Variants in KIF1B observed in about 807,000 individuals in gnomAD.
KIF1B encodes kinesin-like protein KIF1B.
Under a neutral mutation model 241.9 loss-of-function variants are expected in KIF1B, and 76 were observed. The ratio of observed to expected loss-of-function variants is 0.31; its 90% confidence interval spans 0.26 to 0.38. KIF1B has a LOEUF of 0.38. Among genes scored for constraint, KIF1B ranks in the 10% least tolerant of loss-of-function variants. KIF1B has a pLI of 1.00. For synonymous variants in KIF1B, 750 were observed against 796.7 expected (o/e 0.94, Z 0.99); for missense variants, 1,622 against 2,271.4 (o/e 0.71, Z 5.81).
At chr1:10,211,089 C>T (rs1479646870) in intron 1 of KIF1B, among the ~76,000 whole-genome samples, 1 of 151,996 alleles carries the variant, frequency 6.6e-6, no homozygotes, top group Non-Finnish European at 1.5e-5. Context: ...CAGCGGTCGG[C>T]TGGGGCCCCC....
intron 32 of KIF1B, 86 bp downstream of exon 32, chr1:10,339,945 C>T: frequency 9.0e-7 from 1 of 1,111,024 alleles, no homozygotes. Context: ...AGAAGAGGTA[C>T]AAGTCACTGG....
chr1:10,264,434 A>C (rs749121579), intron 5 of KIF1B, among the ~76,000 whole-genome samples: 11 of 152,196 alleles, frequency 7.2e-5, no homozygotes, highest in Non-Finnish European at 1.2e-4. Context: ...GGAGCACATG[A>C]ACTTTTACCT....
At chr1:10,350,795 G>T (rs1652764328) in intron 37 of KIF1B, among the ~76,000 whole-genome samples, 1 of 151,674 alleles carries the variant, frequency 6.6e-6, no homozygotes, top group African/African-American at 2.4e-5. Flanking sequence ...TGTCTCTCTG[G>T]ACCAGATTAA....
intron 7 of KIF1B, among the ~76,000 whole-genome samples, chr1:10,268,928 A>G (rs1055191949): frequency 1.3e-5 from 2 of 152,260 alleles, no homozygotes; most frequent in Non-Finnish European, 2.9e-5. Flanking sequence ...AAAAAGATTA[A>G]GCGTTAATAT....
intron 15 of KIF1B, among the ~76,000 whole-genome samples, chr1:10,287,626 A>T (rs1649780325): frequency 6.6e-6 from 1 of 152,224 alleles, no homozygotes; most frequent in Admixed American, 6.5e-5. Flanking sequence ...TACCTTACTC[A>T]TTAAATCTCT....
intron 7 of KIF1B, 39 bp downstream of exon 7, chr1:10,268,302 A>G (rs908314448): frequency 7.3e-7 from 1 of 1,370,820 alleles, no homozygotes; most frequent in Admixed American, 1.7e-5. Context: ...GTTGTGAAGG[A>G]TGGAGATTTT....
chr1:10,344,232 G>A (rs1652507051), intron 34 of KIF1B, among the ~76,000 whole-genome samples: 1 of 152,130 alleles, frequency 6.6e-6, no homozygotes, highest in African/African-American at 2.4e-5. Flanking sequence ...ACCCATTGCC[G>A]CCTTTTCTCT....
At chr1:10,371,321 T>A in intron 45 of KIF1B, 59 bp downstream of exon 45, 1 of 1,592,400 alleles carries the variant, frequency 6.3e-7, no homozygotes, top group Non-Finnish European at 8.6e-7. Flanking sequence ...AATGTCAACC[T>A]TCCTCTAGCT....
intron 22 of KIF1B, chr1:10,304,447 C>G (rs1259702263): frequency 1.2e-6 from 2 of 1,611,630 alleles, no homozygotes; most frequent in African/African-American, 2.7e-5. Context: ...ACAGACTTTC[C>G]AGGCAAAGCG....
At chr1:10,253,497 G>A (rs1220806845) in intron 2 of KIF1B, among the ~76,000 whole-genome samples, 1 of 151,886 alleles carries the variant, frequency 6.6e-6, no homozygotes, top group Non-Finnish European at 1.5e-5. Context: ...AAAATAATTA[G>A]CCGGGTGTAG....
rs1397014341 is a variant in KIF1B at position 10,258,570 on chromosome 1, G to A, written c.261G>A (p.Glu87=). The change falls in exon 4 of 49, where the codon GAG becomes GAA. Residue 87 remains glutamate (E), a synonymous_variant. Coordinates refer to ENST00000676179, the MANE Select transcript of KIF1B (RefSeq NM_001365951.3). Reference sequence around the variant, plus strand: ...AGGAAATGCTCTTACACGCCTTTGAGGGATATAATGTCTGTATTTTTGCCT... The same window carrying A: ...AGGAAATGCTCTTACACGCCTTTGAAGGATATAATGTCTGTATTTTTGCCT... ...IGKEMLLHAF[E]GYNVCIFAYG... The A allele has an allele frequency of 3.1e-6, 5 of 1,613,984 alleles. No individual in the cohort carries two copies. In the Admixed American group the frequency reaches 6.7e-5, roughly 22 times the overall value.
At chr1:10,229,094 A>G (rs934940352) in intron 1 of KIF1B, among the ~76,000 whole-genome samples, 1 of 152,170 alleles carries the variant, frequency 6.6e-6, no homozygotes, top group Non-Finnish European at 1.5e-5. Flanking sequence ...TGAATGTGTC[A>G]TTCATTCTCT....
chr1:10,228,704 A>T (rs1200335789), intron 1 of KIF1B, among the ~76,000 whole-genome samples: 1 of 152,206 alleles, frequency 6.6e-6, no homozygotes, highest in African/African-American at 2.4e-5. Context: ...ATTGGATCAA[A>T]GACTAAAAGC....
chr1:10,220,749 G>T (rs540315433), intron 1 of KIF1B, among the ~76,000 whole-genome samples: 2 of 151,648 alleles, frequency 1.3e-5, no homozygotes, highest in African/African-American at 4.8e-5. Context: ...TGCAACCTCC[G>T]CCTCCCAGGT....
intron 20 of KIF1B, 50 bp from the exon 21 acceptor site, chr1:10,296,847 T>C (rs906747076): frequency 6.6e-7 from 1 of 1,522,078 alleles, no homozygotes; most frequent in South Asian, 1.1e-5. Context: ...AAATAGATAC[T>C]ATATATTAAA....
chr1:10,240,394 GGT>G (rs1647119477), intron 2 of KIF1B, among the ~76,000 whole-genome samples: 2 of 152,042 alleles, frequency 1.3e-5, no homozygotes, highest in Non-Finnish European at 2.9e-5. Flanking sequence ...GTTTAGTAGA[GGT>G]GGGGTTTCAC....
intron 27 of KIF1B, among the ~76,000 whole-genome samples, chr1:10,333,755 A>G (rs1652051068): frequency 6.6e-6 from 1 of 152,200 alleles, no homozygotes; most frequent in African/African-American, 2.4e-5. Flanking sequence ...TTTTAGAGTT[A>G]TTAACTGTAT....
In KIF1B at chr1:10,263,112, G is replaced by C. The variant is rs1014465721; in HGVS notation, c.429+1142G>C. Among the ~76,000 whole-genome samples, 5 of 151,922 alleles carry C rather than the reference G, an allele frequency of 3.3e-5. 1 individual carries two copies. Among genetic ancestry groups the C allele is most frequent in the Admixed American group, 3.3e-4 (5 of 15,226 alleles). On this transcript the variant is annotated intron_variant, in intron 5 of 48. Transcript: ENST00000676179. ...AGCGTGGCCAACCTGGCAAAACCCT[G>C]TCTCTACTAAAAACACAAAAAATTA...
intron 22 of KIF1B, 121 bp from the exon 23 acceptor site, chr1:10,319,922 C>A: frequency 1.4e-6 from 1 of 695,408 alleles, no homozygotes; most frequent in Non-Finnish European, 2.6e-6. Context: ...TTGTTTCCTG[C>A]CTTTGTCTCT....
Sources: allele counts gnomAD v4.1 joint callset (sites outside exome capture counted in the v4.1 genomes callset), GRCh38; gene constraint gnomAD v4.1.1; transcripts MANE v1.5; gene names NCBI Gene and HGNC (gene_info 2026-07-23, HGNC 2026-07-21).